The following KCNMA1 variants were observed in gnomAD, a reference collection of about 807,000 sequenced individuals.
The protein encoded by KCNMA1 is Calcium-activated potassium channel subunit alpha-1.
Under a neutral mutation model 140.0 loss-of-function variants are expected in KCNMA1, and 29 were observed. The ratio of observed to expected loss-of-function variants is 0.21; its 90% CI spans 0.15 to 0.28. The LOEUF is 0.28. KCNMA1 is among the 10% of genes least tolerant of loss of function. The probability of loss-of-function intolerance (pLI) is 1.00; values close to 1 mark genes in which losing one functional copy is unlikely to be tolerated. For synonymous variants in KCNMA1, 612 were observed against 611.9 expected, an observed-to-expected ratio of 1.00 and a Z score of 0.00; for missense variants, 880 against 1,602.2, an observed-to-expected ratio of 0.55 and a Z score of 7.70.
At chr10:77,347,868 T>C (rs2092394844) in intron 2 of KCNMA1, among the ~76,000 whole-genome samples, 1 of 152,214 alleles carries the variant, frequency 6.6e-6, no homozygotes, top group Non-Finnish European at 1.5e-5. Context: ...AAACCTTAAT[T>C]AAAGCACTTA....
At chr10:76,914,341 G>A in intron 24 of KCNMA1, 1 of 568,968 alleles carries the variant, frequency 1.8e-6, no homozygotes, top group Non-Finnish European at 3.1e-6. Context: ...GGCCAGGTTA[G>A]AAGTTAGATT....
intron 1 of KCNMA1, among the ~76,000 whole-genome samples, chr10:77,583,243 C>G (rs923863903): frequency 1.3e-5 from 2 of 152,220 alleles, no homozygotes; most frequent in African/African-American, 4.8e-5. Context: ...CAGTCTTATG[C>G]AGGTCTGACC....
Position 77,329,898 on chromosome 10 carries a change from T to C in KCNMA1, c.540+73964A>G, listed in dbSNP as rs2085688800. ...AAATAATACTTAGTTCATAAGGTTA[T>C]TATAAAAATTAAATGAGATAATGCA... On this transcript the variant is annotated intron_variant, in intron 2 of 27. Coordinates refer to ENST00000286628, the MANE Select transcript of KCNMA1 (RefSeq NM_001161352.2). 2.0e-5 allele frequency among the ~76,000 whole-genome samples: 3 copies of C among 152,184 alleles called. No individual in the cohort carries two copies. The South Asian group carries it at 6.2e-4, about 31-fold the overall frequency.
Position 77,474,361 on chromosome 10 carries a change from A to G in KCNMA1, c.379-70338T>C, listed in dbSNP as rs534604720. 4.6e-5 allele frequency among the ~76,000 whole-genome samples: 7 copies of G among 152,274 alleles called. No homozygotes were observed. The East Asian group carries it at 7.7e-4, about 17-fold the overall frequency. On this transcript the variant is annotated intron_variant, in intron 1 of 27. Transcript: ENST00000286628. ...TTAGGGTGGGCCTTCATCCAACAGGACTGATGTCTTTATAAGAACAGGAGA... is the reference window on the plus strand; with the variant it reads ...TTAGGGTGGGCCTTCATCCAACAGGGCTGATGTCTTTATAAGAACAGGAGA...
chr10:76,968,844 A>G (rs949613311), intron 20 of KCNMA1, among the ~76,000 whole-genome samples: 2 of 152,212 alleles, frequency 1.3e-5, no homozygotes, highest in African/African-American at 4.8e-5. Context: ...CCACATGAAG[A>G]AAGACTGCCC....
chr10:77,634,483 G>A, intron 1 of KCNMA1: 1 of 985,362 alleles, frequency 1.0e-6, no homozygotes, highest in Non-Finnish European at 1.2e-6. Context: ...AAGGTTTGGT[G>A]CGATCCCAGA....
chr10:77,509,269 C>T (rs2047468464), intron 1 of KCNMA1, among the ~76,000 whole-genome samples: 1 of 152,090 alleles, frequency 6.6e-6, no homozygotes, highest in South Asian at 2.1e-4. Flanking sequence ...CAGGTGCACA[C>T]CACCATGCCT....
intron 1 of KCNMA1, among the ~76,000 whole-genome samples, chr10:77,465,277 A>C (rs1310329544): frequency 6.6e-6 from 1 of 152,202 alleles, no homozygotes; most frequent in African/African-American, 2.4e-5. Context: ...AACTAAGTGC[A>C]AAGCTGGTAC....
rs75678547 is a variant in KCNMA1, at chr10:77,495,150, G to C, written c.379-91127C>G. ...ACCAATAATATTTGAGTTCCTCAAA[G>C]GAAAAACAGCTTTTTAAAAAGCCAA... On this transcript the variant is annotated intron_variant, in intron 1 of 27. Transcript: ENST00000286628. Among the ~76,000 whole-genome samples, 754 of 152,244 alleles carry C rather than the reference G, an allele frequency of 5.0e-3. 34 individuals carry two copies. In the East Asian group the frequency reaches 0.11, roughly 22 times the overall value.
At chr10:77,427,880 G>A (rs2097058690) in intron 1 of KCNMA1, among the ~76,000 whole-genome samples, 1 of 152,002 alleles carries the variant, frequency 6.6e-6, no homozygotes, top group Non-Finnish European at 1.5e-5. Flanking sequence ...AGCTTCCCGA[G>A]TAGCTGGGAC....
intron 6 of KCNMA1, among the ~76,000 whole-genome samples, chr10:77,116,948 T>C (rs535108469): frequency 2.0e-5 from 3 of 152,332 alleles, no homozygotes; most frequent in South Asian, 2.1e-4. Flanking sequence ...AGAACCTGCA[T>C]GATTTGGCCT....
chr10:76,872,462 T>G (rs1366770440), downstream of KCNMA1: 1 of 152,218 alleles, frequency 6.6e-6, no homozygotes, highest in African/African-American at 2.4e-5. Context: ...ACTCTTTGCT[T>G]AAAACTCTGA....
intron 16 of KCNMA1, among the ~76,000 whole-genome samples, 166 bp downstream of exon 16, chr10:77,027,657 T>A (rs11001977): frequency 1.3e-5 from 2 of 152,306 alleles, no homozygotes; most frequent in East Asian, 3.9e-4. Context: ...GAAGCTGCAG[T>A]GTCTGATGGG....
At chr10:77,210,808 T>C (rs1177200100) in intron 3 of KCNMA1, among the ~76,000 whole-genome samples, 3 of 152,052 alleles carry the variant, frequency 2.0e-5, no homozygotes, top group Non-Finnish European at 2.9e-5. Context: ...CACAGTCCCA[T>C]TGACAATAGC....
At chr10:77,196,037 G>T (rs1049102390) in intron 3 of KCNMA1, among the ~76,000 whole-genome samples, 2 of 152,266 alleles carry the variant, frequency 1.3e-5, no homozygotes, top group Non-Finnish European at 2.9e-5. Context: ...GAAATATGAT[G>T]AATTACCTGC....
At chr10:77,361,371 A>G (rs28286) in intron 2 of KCNMA1, among the ~76,000 whole-genome samples, 127,299 of 152,170 alleles carry the variant, frequency 0.84, 53,813 homozygotes, top group African/African-American at 0.96. Context: ...AAGTAGAACA[A>G]GACTAGAGGA....
At chr10:77,246,223 G>A (rs2154244106) in intron 3 of KCNMA1, among the ~76,000 whole-genome samples, 1 of 152,340 alleles carries the variant, frequency 6.6e-6, no homozygotes, top group Non-Finnish European at 1.5e-5. Flanking sequence ...GAGCCATGCT[G>A]GAATCTAATC....
At chr10:77,483,117 C>T (rs1033071098) in intron 1 of KCNMA1, among the ~76,000 whole-genome samples, 2 of 151,814 alleles carry the variant, frequency 1.3e-5, no homozygotes, top group African/African-American at 4.8e-5. Flanking sequence ...CAACATCCAA[C>T]CAATTAATTT....
At chr10:77,570,334 A>C (rs1567612212) in intron 1 of KCNMA1, among the ~76,000 whole-genome samples, 3 of 144,034 alleles carry the variant, frequency 2.1e-5, no homozygotes, top group African/African-American at 7.8e-5. Context: ...CTTGGAACCA[A>C]CCCAAATGTC....
Sources: allele counts gnomAD v4.1 joint callset (sites outside exome capture counted in the v4.1 genomes callset), GRCh38; gene constraint gnomAD v4.1.1; transcripts MANE v1.5; gene names NCBI Gene and HGNC (gene_info 2026-07-23, HGNC 2026-07-21).